Variants in RARB observed in about 807,000 individuals in gnomAD.
RARB encodes HBV-activated protein.
A neutral mutation model predicts 51.9 loss-of-function variants in RARB; 17 were observed. The ratio of observed to expected loss-of-function variants is 0.33; its 90% confidence interval spans 0.22 to 0.49. The LOEUF (loss-of-function observed/expected upper bound fraction) is 0.49, where lower values mean the gene tolerates loss of function less well. RARB is among the 20% of genes least tolerant of loss of function. The pLI is 0.99. For synonymous variants in RARB, 215 were observed against 195.4 expected (o/e 1.10, Z -0.84); for missense variants, 369 against 550.8 (o/e 0.67, Z 3.30).
intron 5 of RARB, among the ~76,000 whole-genome samples, chr3:25,308,840 A>T (rs1448962728): frequency 3.9e-5 from 6 of 152,136 alleles, no homozygotes; most frequent in Non-Finnish European, 8.8e-5. Flanking sequence ...CAATCCAGTC[A>T]TGTTCCTCTG....
chr3:25,092,392 T>C (rs1699214516), intron 3 of RARB, among the ~76,000 whole-genome samples: 1 of 152,146 alleles, frequency 6.6e-6, no homozygotes, highest in Non-Finnish European at 1.5e-5. Context: ...AAAACCTCTT[T>C]CCATATAAAG....
chr3:25,161,654 G>T (rs1205524643), intron 4 of RARB, among the ~76,000 whole-genome samples: 1 of 152,064 alleles, frequency 6.6e-6, no homozygotes, highest in Non-Finnish European at 1.5e-5. Context: ...CCACCATTTT[G>T]CCTTCCCACT....
chr3:25,412,916 G>A (rs567502449), intron 5 of RARB, among the ~76,000 whole-genome samples: 1 of 152,208 alleles, frequency 6.6e-6, no homozygotes, highest in Admixed American at 6.5e-5. Flanking sequence ...CTATTCAGGA[G>A]GCTGAGGCAG....
At chr3:25,368,659 G>A (rs922002900) in intron 5 of RARB, among the ~76,000 whole-genome samples, 10 of 152,178 alleles carry the variant, frequency 6.6e-5, no homozygotes, top group African/African-American at 2.2e-4. Flanking sequence ...CTGACACACA[G>A]TTCTAGCCTT....
chr3:25,238,151 C>G (rs889593447), intron 5 of RARB, among the ~76,000 whole-genome samples: 6 of 151,298 alleles, frequency 4.0e-5, no homozygotes, highest in South Asian at 4.2e-4. Context: ...TCCTCCAGCG[C>G]CCCCCCACAC....
At chr3:25,539,483 G>T (rs1699279298) in intron 3 of RARB, among the ~76,000 whole-genome samples, 1 of 147,958 alleles carries the variant, frequency 6.8e-6, no homozygotes, top group African/African-American at 2.5e-5. Flanking sequence ...TATGCTTCAG[G>T]AATGCCCCTC....
At chr3:25,292,199 AG>A (rs1464317866) in intron 5 of RARB, among the ~76,000 whole-genome samples, 2 of 152,166 alleles carry the variant, frequency 1.3e-5, no homozygotes, top group African/African-American at 4.8e-5. Flanking sequence ...AAAAATACAA[AG>A]ACTGTTCTTC....
rs550613536 is a variant in RARB, at chr3:25,192,304, A to T, written c.178+17729A>T. ...TCAGATATCCTGCTACAGTTAAAAG[A>T]TTTTGATTGGTAAAGATCGTGTAAT... On this transcript the variant is annotated intron_variant, in intron 5 of 11. Coordinates refer to the RARB transcript ENST00000383772. 1.3e-3 allele frequency among the ~76,000 whole-genome samples: 198 copies of T among 152,190 alleles called. 3 individuals carry two copies. The South Asian group carries it at 0.037, about 29-fold the overall frequency.
At chr3:25,304,840 A>G (rs1704120021) in intron 5 of RARB, among the ~76,000 whole-genome samples, 1 of 152,196 alleles carries the variant, frequency 6.6e-6, no homozygotes, top group Admixed American at 6.5e-5. Context: ...TTAGAAGAGC[A>G]CCTAATCTCA....
chr3:25,113,029 C>T (rs2125325988), intron 3 of RARB, among the ~76,000 whole-genome samples: 1 of 152,150 alleles, frequency 6.6e-6, no homozygotes, highest in Admixed American at 6.5e-5. Flanking sequence ...AGTTTGTTTT[C>T]CTGTAGTTTT....
intron 5 of RARB, among the ~76,000 whole-genome samples, chr3:25,194,677 A>G (rs552387450): frequency 1.6e-4 from 25 of 151,678 alleles, no homozygotes; most frequent in African/African-American, 5.5e-4. Context: ...CCAATTCCCA[A>G]TGCACTGAAG....
chr3:25,010,764 A>C (rs989116683), intron 2 of RARB, among the ~76,000 whole-genome samples: 2 of 152,112 alleles, frequency 1.3e-5, no homozygotes, highest in Middle Eastern at 6.8e-3. Flanking sequence ...CTCCTATGAC[A>C]CCCTTCATGA....
At chr3:25,097,386 T>A (rs567496904) in intron 3 of RARB, among the ~76,000 whole-genome samples, 193 of 152,316 alleles carry the variant, frequency 1.3e-3, no homozygotes, top group Non-Finnish European at 1.6e-3. Context: ...TTGAGGGGGT[T>A]ACTTGAATGT....
chr3:24,985,873 G>A (rs1313994013), intron 2 of RARB, among the ~76,000 whole-genome samples: 2 of 152,204 alleles, frequency 1.3e-5, no homozygotes, highest in Non-Finnish European at 2.9e-5. Flanking sequence ...GTATCCTGCT[G>A]CAGTCCCAGT....
At chr3:25,203,163 A>G (rs9755421) in intron 5 of RARB, among the ~76,000 whole-genome samples, 97,589 of 152,012 alleles carry the variant, frequency 0.64, 31,873 homozygotes, top group East Asian at 0.76. Context: ...TTCTTGTTGA[A>G]TTGATCCCTT....
At chr3:25,578,874 T>C (rs765352187) in intron 4 of RARB, among the ~76,000 whole-genome samples, 18 of 152,252 alleles carry the variant, frequency 1.2e-4, no homozygotes, top group Non-Finnish European at 2.4e-4. Flanking sequence ...ACTAAAGATA[T>C]CAGTTTGAGA....
chr3:25,176,189 T>G (rs1423734438), intron 5 of RARB, among the ~76,000 whole-genome samples: 1 of 152,084 alleles, frequency 6.6e-6, no homozygotes, highest in Non-Finnish European at 1.5e-5. Context: ...TGATCAAATT[T>G]GGCAGATTGA....
intron 5 of RARB, among the ~76,000 whole-genome samples, chr3:25,589,266 G>T (rs1026668549): frequency 6.6e-6 from 1 of 152,206 alleles, no homozygotes; most frequent in African/African-American, 2.4e-5. Flanking sequence ...TGCCTCAGCA[G>T]TGAGTCATCG....
At chr3:25,391,301 G>A (rs1296206081) in intron 5 of RARB, among the ~76,000 whole-genome samples, 1 of 152,016 alleles carries the variant, frequency 6.6e-6, no homozygotes, top group East Asian at 1.9e-4. Flanking sequence ...TTGTCTTATG[G>A]GCATTTGGGC....
Sources: allele counts gnomAD v4.1 joint callset (sites outside exome capture counted in the v4.1 genomes callset), GRCh38; gene constraint gnomAD v4.1.1; transcripts MANE v1.5; gene names NCBI Gene and HGNC (gene_info 2026-07-23, HGNC 2026-07-21).